MAD1L1: variants seen among roughly 807,000 people sequenced by gnomAD.
The protein encoded by MAD1L1 is mitotic arrest deficient 1 like 1, also known as mitotic spindle assembly checkpoint protein MAD1.
MAD1L1 carries 95 observed loss-of-function variants against 96.9 expected under a neutral mutation model. The ratio of observed to expected loss-of-function variants is 0.98; its 90% CI spans 0.83 to 1.16. The LOEUF (loss-of-function observed/expected upper bound fraction) is 1.16. Ranked by LOEUF, MAD1L1 falls within the 50% of genes most tolerant of loss-of-function variation. The pLI is 0.00. For missense variants in MAD1L1, 1,007 were observed against 954.4 expected, an observed-to-expected ratio of 1.06 and a Z score of -0.73; for synonymous variants, 473 against 396.6, an observed-to-expected ratio of 1.19 and a Z score of -2.29.
intron 11 of MAD1L1, among the ~76,000 whole-genome samples, chr7:2,132,847 T>C (rs1161150504): frequency 6.6e-6 from 1 of 152,226 alleles, no homozygotes; most frequent in Non-Finnish European, 1.5e-5. Flanking sequence ...GGTTGACAAC[T>C]GATCCCCACG....
Position 2,105,969 on chromosome 7 carries a change from GCCCTGC to G in MAD1L1, c.1074-36637_1074-36632del, listed in dbSNP as rs1222923945. 8.8e-5 allele frequency among the ~76,000 whole-genome samples: 12 copies of G among 136,994 alleles called. No individual in the cohort carries two copies. The East Asian group carries it at 1.2e-3, about 14-fold the overall frequency. 89.9% of individuals were successfully genotyped at this position (136,994 alleles called of 152,430 possible). ...ACAACCAAAGGGCACCAACACCTCA[GCCCTGC>G]CCCTGCCCCTGCCCCACATATGGCC... On this transcript the variant is annotated intron_variant, in intron 11 of 18. Coordinates refer to ENST00000265854, the MANE Select transcript of MAD1L1 (RefSeq NM_001013836.2).
chr7:1,962,340 G>A (rs1779988873), intron 15 of MAD1L1, among the ~76,000 whole-genome samples: 1 of 152,248 alleles, frequency 6.6e-6, no homozygotes, highest in Non-Finnish European at 1.5e-5. Flanking sequence ...ATGTAGAACT[G>A]TGAGTCCATT....
At chr7:1,933,109 CTG>C (rs148099417) in intron 17 of MAD1L1, among the ~76,000 whole-genome samples, 1,618 of 152,294 alleles carry the variant, frequency 0.011, 32 homozygotes, top group African/African-American at 0.037. Flanking sequence ...CCCGCTGACG[CTG>C]TGTTTCTCTG....
At chr7:2,084,615 A>G (rs9654938) in intron 11 of MAD1L1, among the ~76,000 whole-genome samples, 12,290 of 152,240 alleles carry the variant, frequency 0.081, 594 homozygotes, top group African/African-American at 0.13. Flanking sequence ...GGTGGCGGCC[A>G]CTGCAGCCGC....
intron 18 of MAD1L1, among the ~76,000 whole-genome samples, chr7:1,819,414 C>T (rs758418340): frequency 2.0e-4 from 30 of 152,098 alleles, no homozygotes; most frequent in Non-Finnish European, 3.7e-4. Context: ...AAGACACTCG[C>T]GGCGTCCATT....
chr7:2,067,221 G>T, intron 12 of MAD1L1, among the ~76,000 whole-genome samples: 1 of 149,110 alleles, frequency 6.7e-6, no homozygotes, highest in East Asian at 2.0e-4. Flanking sequence ...ATCAGGCCAT[G>T]TTCGCAGGCA....
At chr7:2,090,358 T>C (rs929067710) in intron 11 of MAD1L1, among the ~76,000 whole-genome samples, 4 of 151,378 alleles carry the variant, frequency 2.6e-5, no homozygotes, top group Non-Finnish European at 4.4e-5. Context: ...AACCTCCCAA[T>C]GATCCTTACC....
intron 13 of MAD1L1, 87 bp from the exon 14 acceptor site, chr7:2,002,208 C>T (rs554225653): frequency 7.9e-4 from 1,033 of 1,309,348 alleles, no homozygotes; most frequent in Non-Finnish European, 1.0e-3. Flanking sequence ...CCCACCACCC[C>T]GCAGCCTCCA....
chr7:2,149,948 C>G (rs1303088707), intron 10 of MAD1L1, among the ~76,000 whole-genome samples: 2 of 152,228 alleles, frequency 1.3e-5, no homozygotes, highest in African/African-American at 2.4e-5. Flanking sequence ...ACCTGGGGCA[C>G]AAAGCCAAGG....
chr7:2,009,724 A>T lies in MAD1L1; in HGVS notation c.1359+4778T>A, dbSNP rs115385370. 9.3e-3 allele frequency among the ~76,000 whole-genome samples: 1,420 copies of T among 152,276 alleles called. 20 individuals carry two copies. Among genetic ancestry groups the T allele is most frequent in the African/African-American group, 0.033 (1,362 of 41,564 alleles). On this transcript the variant is annotated intron_variant, in intron 13 of 18. Coordinates refer to ENST00000265854, the MANE Select transcript of MAD1L1 (RefSeq NM_001013836.2). The stretch of plus-strand genomic sequence containing the variant: ...TGATGCAAGGAAGGCTAGGGGGTGG[A>T]CGCCCAGGCCCTGGGGGATGCTCTG...
intron 11 of MAD1L1, among the ~76,000 whole-genome samples, chr7:2,092,544 AC>A (rs919432125): frequency 7.9e-5 from 12 of 151,740 alleles, no homozygotes; most frequent in African/African-American, 2.9e-4. Context: ...TGTGTTTTCA[AC>A]CATGCCCCGC....
At chr7:1,947,281 G>C (rs1440604117) in intron 16 of MAD1L1, among the ~76,000 whole-genome samples, 1 of 152,246 alleles carries the variant, frequency 6.6e-6, no homozygotes, top group Non-Finnish European at 1.5e-5. Context: ...CAAGGCCCAG[G>C]CAATACTTGG....
At chr7:1,877,951 C>T (rs191359832) in intron 18 of MAD1L1, among the ~76,000 whole-genome samples, 246 of 151,580 alleles carry the variant, frequency 1.6e-3, no homozygotes, top group Non-Finnish European at 2.6e-3. Context: ...AGAGTGATGA[C>T]GAAAAAAGAG....
chr7:2,189,913 C>T (rs7796318), intron 10 of MAD1L1, among the ~76,000 whole-genome samples: 1 of 152,154 alleles, frequency 6.6e-6, no homozygotes, highest in Non-Finnish European at 1.5e-5. Flanking sequence ...AAAATCTAAA[C>T]GCTTTCCCTC....
At chr7:2,105,756 C>A (rs1180340613) in intron 11 of MAD1L1, among the ~76,000 whole-genome samples, 2 of 152,086 alleles carry the variant, frequency 1.3e-5, no homozygotes, top group East Asian at 3.9e-4. Context: ...ACCAGAAAGT[C>A]CAGGCACGTG....
At chr7:2,111,167 CCGAG>C (rs1372299627) in intron 11 of MAD1L1, among the ~76,000 whole-genome samples, 1 of 152,234 alleles carries the variant, frequency 6.6e-6, no homozygotes, top group Non-Finnish European at 1.5e-5. Flanking sequence ...AGCACACACA[CCGAG>C]CGTCCACTGT....
In MAD1L1 at chr7:2,090,301, C is replaced by A. The variant is rs188453115; in HGVS notation, c.1074-20963G>T. 2.0e-5 allele frequency among the ~76,000 whole-genome samples: 3 copies of A among 152,328 alleles called. No individual in the cohort carries two copies. The East Asian group carries it at 5.8e-4, about 29-fold the overall frequency. On this transcript the variant is annotated intron_variant, in intron 11 of 18. Coordinates refer to ENST00000265854, the MANE Select transcript of MAD1L1 (RefSeq NM_001013836.2). ...CCACTGCCAGTTGAATCTGGTTCTG[C>A]GGTCGCTTGCTTTGGGGAACTCAGG...
At chr7:1,827,200 TGGAGAAGGTG>T (rs1782440010) in intron 18 of MAD1L1, among the ~76,000 whole-genome samples, 1 of 151,970 alleles carries the variant, frequency 6.6e-6, no homozygotes, top group African/African-American at 2.4e-5. Flanking sequence ...GTGGCGGGGA[TGGAGAAGGTG>T]GGAGAAGGGG....
chr7:2,079,570 G>T, intron 11 of MAD1L1: 1 of 463,946 alleles, frequency 2.2e-6, no homozygotes, highest in Non-Finnish European at 4.5e-6. Flanking sequence ...TGCATTCCCA[G>T]ATAAACAGAG....
Sources: gnomAD v4.1 joint callset for allele counts (sites outside exome capture counted in the v4.1 genomes callset) on GRCh38, gnomAD v4.1.1 for gene constraint, MANE v1.5 for transcripts, NCBI Gene and HGNC (gene_info 2026-07-23, HGNC 2026-07-21) for gene names.